The following SLC12A1 variants were observed in gnomAD, a reference collection of about 807,000 sequenced individuals.
SLC12A1 encodes the protein Na-K-2Cl cotransporter.
In SLC12A1, 89 loss-of-function variants were observed where a neutral mutation model predicts 130.4. The ratio of observed to expected loss-of-function variants is 0.68; its 90% CI spans 0.58 to 0.81. The LOEUF (loss-of-function observed/expected upper bound fraction) is 0.81. SLC12A1 is among the 40% of genes least tolerant of loss of function. SLC12A1 has a pLI of 0.00. For missense variants in SLC12A1, 1,310 were observed against 1,336.4 expected (o/e 0.98, Z 0.31); for synonymous variants, 499 against 460.0 (o/e 1.08, Z -1.09).
chr15:48,298,993 T>C (rs1017136099), intron 24 of SLC12A1, 147 bp from the exon 25 acceptor site: 14 of 741,630 alleles, frequency 1.9e-5, no homozygotes, highest in Non-Finnish European at 2.8e-5. Flanking sequence ...TTACTCACAG[T>C]AAATTCCCTG....
rs1363568418 is a variant in SLC12A1, at chr15:48,285,104, A to G, written c.2486-2A>G. 2.5e-6 allele frequency: 4 copies of G among 1,569,842 alleles called. No individual in the cohort carries two copies. Among genetic ancestry groups the G allele is most frequent in the Non-Finnish European group, 3.4e-6 (4 of 1,159,790 alleles). The stretch of plus-strand genomic sequence containing the variant: ...GTAGGTGATTTTGTCTTCTTTCATC[A>G]GAGGAATTAGAGAGATTAGAACAGG... On this transcript the variant is annotated splice_acceptor_variant, in intron 20 of 26. Transcript: ENST00000380993. LOFTEE classifies it high-confidence loss of function.
At chr15:48,262,296 G>A (rs2041783246) in intron 17 of SLC12A1, among the ~76,000 whole-genome samples, 1 of 152,162 alleles carries the variant, frequency 6.6e-6, no homozygotes, top group Non-Finnish European at 1.5e-5. Context: ...TGCTTTAAGT[G>A]CTGTTACATT....
In SLC12A1 at chr15:48,267,708, C is replaced by G; in HGVS notation, c.2295+7C>G. On this transcript the variant is annotated splice_region_variant and intron_variant, in intron 18 of 26. Transcript: ENST00000380993. Reference sequence around the variant, plus strand: ...TGTCCGAAGTCTTCTTCAGGTAAGGCTGCATTGAGGGAATGAGCACAGAGG... The same window carrying G: ...TGTCCGAAGTCTTCTTCAGGTAAGGGTGCATTGAGGGAATGAGCACAGAGG... The G allele has an allele frequency of 6.2e-7, 1 of 1,612,878 alleles. No homozygotes were observed. The highest frequency in any genetic ancestry group is 8.5e-7 in the Non-Finnish European group (1 of 1,179,166).
chr15:48,240,872 C>A (rs2141049167), intron 9 of SLC12A1, among the ~76,000 whole-genome samples: 1 of 152,228 alleles, frequency 6.6e-6, no homozygotes, highest in East Asian at 1.9e-4. Flanking sequence ...GATGTGAACT[C>A]AACTTAGTGA....
At chr15:48,280,611 A>G (rs1228791121) in intron 20 of SLC12A1, among the ~76,000 whole-genome samples, 1 of 152,094 alleles carries the variant, frequency 6.6e-6, no homozygotes, top group African/African-American at 2.4e-5. Context: ...ATACTACAGA[A>G]TTATCTAATG....
chr15:48,222,551 G>A (rs1242754817), intron 4 of SLC12A1: 1 of 152,018 alleles, frequency 6.6e-6, no homozygotes, highest in Non-Finnish European at 1.5e-5. Context: ...TACCTAGTAA[G>A]TGTTCAATGG....
At chr15:48,239,515 A>AAAT (rs2041477134) in intron 9 of SLC12A1, among the ~76,000 whole-genome samples, 3 of 143,636 alleles carry the variant, frequency 2.1e-5, no homozygotes, top group African/African-American at 7.9e-5. Flanking sequence ...AACCCATCTC[A>AAAT]AAATAAATAA....
chr15:48,264,817 A>G (rs979814945), intron 17 of SLC12A1, among the ~76,000 whole-genome samples: 5 of 152,044 alleles, frequency 3.3e-5, no homozygotes, highest in Non-Finnish European at 7.4e-5. Flanking sequence ...CCCTTTACAA[A>G]CTCTTTTTCA....
chr15:48,233,513 G>A (rs2041403889), intron 8 of SLC12A1, among the ~76,000 whole-genome samples: 1 of 152,230 alleles, frequency 6.6e-6, no homozygotes, highest in African/African-American at 2.4e-5. Context: ...AGAAAAGACT[G>A]TAGGAGTTAC....
At chr15:48,247,179 C>T (rs1046736149) in intron 12 of SLC12A1, among the ~76,000 whole-genome samples, 158 bp from the exon 13 acceptor site, 3 of 152,182 alleles carry the variant, frequency 2.0e-5, no homozygotes, top group East Asian at 1.9e-4. Context: ...TAGTCAAGAT[C>T]GATTCAAATA....
At chr15:48,229,040 T>C in intron 5 of SLC12A1, 149 bp from the exon 6 acceptor site, 2 of 785,592 alleles carry the variant, frequency 2.5e-6, no homozygotes, top group Middle Eastern at 3.1e-4. Flanking sequence ...AGTTATTCAC[T>C]GGGTAACACA....
chr15:48,242,124 T>A (rs1160468059), intron 10 of SLC12A1, among the ~76,000 whole-genome samples: 1 of 152,190 alleles, frequency 6.6e-6, no homozygotes, highest in Non-Finnish European at 1.5e-5. Flanking sequence ...GCTGGCAGTG[T>A]AGGTGGCCAG....
intron 13 of SLC12A1, among the ~76,000 whole-genome samples, chr15:48,248,457 A>T (rs1438251551): frequency 1.3e-5 from 2 of 152,378 alleles, no homozygotes; most frequent in South Asian, 2.1e-4. Flanking sequence ...TCTTGTATAC[A>T]TTAGATAATA....
intron 17 of SLC12A1, among the ~76,000 whole-genome samples, chr15:48,259,739 T>C (rs1365049381): frequency 6.6e-6 from 1 of 152,160 alleles, no homozygotes; most frequent in Non-Finnish European, 1.5e-5. Flanking sequence ...AGAATTTAGA[T>C]TAAATATTTG....
chr15:48,302,813 C>G lies in SLC12A1; in HGVS notation c.3228C>G (p.Ile1076Met). The change falls in exon 27 of 27, where the codon ATC becomes ATG. Residue 1076 changes from isoleucine to methionine, a missense_variant. Ile to Met is a conservative substitution (Grantham distance 10, BLOSUM62 1). Transcript: ENST00000380993. Reference protein sequence around the residue: ...SDLLYMAWLEILTKNLPPVLL... With the variant: ...SDLLYMAWLEMLTKNLPPVLL... ...TGTTGTATATGGCTTGGTTGGAAAT[C>G]CTCACAAAGAACCTCCCACCTGTCT... 6.2e-7 allele frequency: 1 copy of G among 1,613,104 alleles called. No individual in the cohort carries two copies. The highest frequency in any genetic ancestry group is 8.5e-7 in the Non-Finnish European group (1 of 1,179,308).
intron 4 of SLC12A1, chr15:48,223,893 T>G (rs887492999): frequency 6.6e-6 from 1 of 152,278 alleles, no homozygotes; most frequent in Non-Finnish European, 1.5e-5. Flanking sequence ...AGCCTGTGCT[T>G]AGTTAGCTTC....
At chr15:48,296,487 T>C (rs954313640) in intron 24 of SLC12A1, among the ~76,000 whole-genome samples, 1 of 152,296 alleles carries the variant, frequency 6.6e-6, no homozygotes, top group East Asian at 1.9e-4. Context: ...ACAATCTTTA[T>C]GTGGAAATCA....
chr15:48,228,167 C>T (rs1362250832), intron 5 of SLC12A1: 1 of 152,148 alleles, frequency 6.6e-6, no homozygotes, highest in Non-Finnish European at 1.5e-5. Flanking sequence ...ATAATCAGAC[C>T]TCCTAACATC....
At chr15:48,226,448 A>G in intron 4 of SLC12A1, 28 bp from the exon 5 acceptor site, 1 of 1,357,058 alleles carries the variant, frequency 7.4e-7, no homozygotes, top group South Asian at 1.3e-5. Context: ...AGTAAAATGC[A>G]ATATCTTCTA....
Sources: allele counts gnomAD v4.1 joint callset (sites outside exome capture counted in the v4.1 genomes callset), GRCh38; gene constraint gnomAD v4.1.1; transcripts MANE v1.5; gene names NCBI Gene and HGNC (gene_info 2026-07-23, HGNC 2026-07-21).